Variants in DGCR6L observed in about 807,000 individuals in gnomAD.
DGCR6L encodes DiGeorge syndrome critical region gene 6 like.
In DGCR6L, 24 loss-of-function variants were observed where a neutral mutation model predicts 31.1. The observed-to-expected ratio is 0.77, with a 90% CI of 0.56 to 1.08. The LOEUF is 1.08. DGCR6L is among the 50% of genes least tolerant of loss of function. DGCR6L has a pLI of 0.00. For missense variants in DGCR6L, 218 were observed against 287.1 expected (o/e 0.76, Z 1.74); for synonymous variants, 104 against 126.1 (o/e 0.82, Z 1.17).
intron 1 of DGCR6L, 26 bp downstream of exon 1, chr22:20,319,853 G>A (rs1167749615): frequency 1.9e-6 from 3 of 1,593,540 alleles, no homozygotes. Context: ...CGCCTCCGCA[G>A]GCCTCCGCCC....
Position 20,316,108 on chromosome 22 carries a change from G to A in DGCR6L, c.372+11C>T, listed in dbSNP as rs1569060613. 9 of 1,599,906 alleles carry A rather than the reference G, an allele frequency of 5.6e-6. No individual in the cohort carries two copies. Among genetic ancestry groups the A allele is most frequent in the Middle Eastern group, 1.9e-4 (1 of 5,298 alleles). On this transcript the variant is annotated intron_variant, in intron 3 of 4. Coordinates refer to ENST00000248879, the MANE Select transcript of DGCR6L (RefSeq NM_033257.4). ...GAGCTGGGCCGGCCACCCTGCCTGCGCCCCCAGTACCTCTAGTTCTCGCTG... is the reference window on the plus strand; with the variant it reads ...GAGCTGGGCCGGCCACCCTGCCTGCACCCCCAGTACCTCTAGTTCTCGCTG...
At chr22:20,318,930 G>C (rs984585570) in intron 2 of DGCR6L, among the ~76,000 whole-genome samples, 1 of 152,230 alleles carries the variant, frequency 6.6e-6, no homozygotes, top group African/African-American at 2.4e-5. Flanking sequence ...TATATTTTGG[G>C]ATGTCAAGAA....
At chr22:20,316,257 T>A in intron 2 of DGCR6L, 38 bp from the exon 3 acceptor site, 1 of 1,561,232 alleles carries the variant, frequency 6.4e-7, no homozygotes, top group Non-Finnish European at 8.7e-7. Context: ...GCGGTGGGAC[T>A]CGGCAGCAGC....
At chr22:20,318,815 C>G (rs2051587576) in intron 2 of DGCR6L, 1 of 152,158 alleles carries the variant, frequency 6.6e-6, no homozygotes, top group Admixed American at 6.5e-5. Context: ...GACAGCATCT[C>G]ACCAAAAAGA....
At chr22:20,319,229 G>A (rs1221318483) in intron 2 of DGCR6L, among the ~76,000 whole-genome samples, 1 of 152,188 alleles carries the variant, frequency 6.6e-6, no homozygotes, top group African/African-American at 2.4e-5. Context: ...GGCCCTGCGA[G>A]GCCTGAGAGG....
intron 4 of DGCR6L, chr22:20,315,053 G>T: frequency 8.1e-7 from 1 of 1,231,864 alleles, no homozygotes; most frequent in Non-Finnish European, 1.2e-6. Flanking sequence ...CCCCCAGCAG[G>T]GCCACTCGGA....
chr22:20,316,782 C>A (rs1166546735), intron 2 of DGCR6L, among the ~76,000 whole-genome samples: 2 of 152,344 alleles, frequency 1.3e-5, no homozygotes, highest in Non-Finnish European at 1.5e-5. Context: ...GTGGGCAGAC[C>A]TGGGAGGCCC....
chr22:20,317,443 G>A (rs2051579108), intron 2 of DGCR6L, among the ~76,000 whole-genome samples: 1 of 152,258 alleles, frequency 6.6e-6, no homozygotes. Context: ...GACATGACCA[G>A]GGAACACAAA....
intron 3 of DGCR6L, 138 bp downstream of exon 3, chr22:20,315,981 G>A: frequency 9.6e-7 from 1 of 1,046,146 alleles, no homozygotes; most frequent in Admixed American, 2.8e-5. Flanking sequence ...GGACTCACTA[G>A]GCCTCCAGTG....
At chr22:20,315,843 CCCT>C (rs2051567187) in intron 3 of DGCR6L, among the ~76,000 whole-genome samples, 1 of 152,210 alleles carries the variant, frequency 6.6e-6, no homozygotes, top group South Asian at 2.1e-4. Context: ...CTTTGTACCC[CCCT>C]GAGGCCACCT....
Position 20,315,152 on chromosome 22 carries a change from C to T in DGCR6L, c.513+184G>A, listed in dbSNP as rs1421480401. On this transcript the variant is annotated intron_variant, in intron 4 of 4. Transcript: ENST00000248879. ...CAGTGCCCATGGCTGGCTGGCTCAC[C>T]CTCCTGTAGGGAATGGGCCTGGCCT... The T allele has an allele frequency of 4.2e-6, 6 of 1,442,430 alleles. No individual in the cohort carries two copies. In the African/African-American group the frequency reaches 5.6e-5, roughly 14 times the overall value. The allele number at this position is 1,442,430 out of a possible 1,614,324, so 89.4% of individuals were successfully genotyped here.
rs1948403661 is a variant in DGCR6L, at chr22:20,315,483, T to TGGGGCCA, written c.373-14_373-8dup. On this transcript the variant is annotated splice_region_variant and splice_polypyrimidine_tract_variant and intron_variant, in intron 3 of 4. Transcript: ENST00000248879. ...GGATCCGGTGTTCCACGGCCTGCCA[T>TGGGGCCA]GGGGCCAGGGCGCGGAGGGGGAGAG... is the stretch of plus-strand genomic sequence containing the variant. 4 of 1,612,848 alleles carry TGGGGCCA rather than the reference T, an allele frequency of 2.5e-6. No homozygotes were observed. The South Asian group carries it at 4.4e-5, about 18-fold the overall frequency.
chr22:20,317,539 G>C (rs2051579827), intron 2 of DGCR6L, among the ~76,000 whole-genome samples: 1 of 152,264 alleles, frequency 6.6e-6, no homozygotes, highest in Non-Finnish European at 1.5e-5. Flanking sequence ...GGTGGAACCA[G>C]GGCCTGGCCC....
At chr22:20,317,970 G>A in intron 2 of DGCR6L, 2 of 280,390 alleles carry the variant, frequency 7.1e-6, no homozygotes, top group Admixed American at 4.8e-5. Context: ...CATCCTATAA[G>A]GCTGGCAAAA....
At chr22:20,317,075 C>A (rs904275409) in intron 2 of DGCR6L, among the ~76,000 whole-genome samples, 31 of 152,246 alleles carry the variant, frequency 2.0e-4, no homozygotes, top group African/African-American at 7.0e-4. Context: ...AAGGTGAAAC[C>A]CAACACTCTG....
rs1342050594 is a variant in DGCR6L, at chr22:20,319,936, T to A, written c.53A>T (p.Gln18Leu). 1 of 1,609,802 alleles carries A rather than the reference T, an allele frequency of 6.2e-7. No homozygotes were observed. The highest frequency in any genetic ancestry group is 1.7e-5 in the Admixed American group (1 of 59,710). ...LEEVADGARQ[Q>L]ERHYQLLSAL... Reference sequence around the variant, plus strand: ...CGACAGCAACTGGTAGTGTCGCTCCTGCTGCCGGGCACCGTCCGCCACCTC... The same window carrying A: ...CGACAGCAACTGGTAGTGTCGCTCCAGCTGCCGGGCACCGTCCGCCACCTC... Residue 18 changes from glutamine (Q) to leucine (L), a missense_variant, in exon 1 of 5, where the codon CAG becomes CTG. Gln to Leu is a moderately radical substitution (Grantham distance 113). Transcript: ENST00000248879.
At chr22:20,315,504 G>C in intron 3 of DGCR6L, 28 bp from the exon 4 acceptor site, 1 of 1,608,616 alleles carries the variant, frequency 6.2e-7, no homozygotes, top group Non-Finnish European at 8.5e-7. Flanking sequence ...CGCGGAGGGG[G>C]AGAGGTGAGG....
rs747998728 is a variant in DGCR6L, at chr22:20,319,954, G to A, written c.35C>T (p.Ala12Val). The A allele has an allele frequency of 1.2e-6, 2 of 1,606,594 alleles. No homozygotes were observed. Among genetic ancestry groups the A allele is most frequent in the Non-Finnish European group, 1.7e-6 (2 of 1,177,820 alleles). Residue 12 changes from alanine to valine, a missense_variant, in exon 1 of 5, where the codon GCG (alanine) becomes GTG (valine). Physicochemically the swap from Ala to Val is moderately conservative, Grantham distance 64. Transcript: ENST00000248879. ...TCGCTCCTGCTGCCGGGCACCGTCC[G>A]CCACCTCCTCCAAGGCGGCCGCGTA... is the stretch of plus-strand genomic sequence containing the variant. ...ERYAAALEEV[A>V]DGARQQERHY...
intron 2 of DGCR6L, among the ~76,000 whole-genome samples, chr22:20,317,804 AAT>A (rs2051581428): frequency 6.6e-6 from 1 of 152,264 alleles, no homozygotes; most frequent in Non-Finnish European, 1.5e-5. Context: ...ATTAAGGAAT[AAT>A]GAGCCATGCG....
Sources: allele counts gnomAD v4.1 joint callset (sites outside exome capture counted in the v4.1 genomes callset), GRCh38; gene constraint gnomAD v4.1.1; transcripts MANE v1.5; gene names NCBI Gene and HGNC (gene_info 2026-07-23, HGNC 2026-07-21).